Variants in KIAA1217 observed in about 807,000 individuals in gnomAD.
The protein encoded by KIAA1217 is sickle tail protein homolog.
Under a neutral mutation model 163.9 loss-of-function variants are expected in KIAA1217, and 88 were observed. The observed-to-expected ratio is 0.54, with a 90% confidence interval of 0.45 to 0.64. The LOEUF is 0.64. Ranked by LOEUF, KIAA1217 falls within the 30% of genes least tolerant of loss-of-function variation. The pLI, the probability that KIAA1217 is intolerant of heterozygous loss-of-function variation, is 0.00. For synonymous variants in KIAA1217, 903 were observed against 923.1 expected (o/e 0.98, Z 0.39); for missense variants, 2,372 against 2,475.0 (o/e 0.96, Z 0.88).
chr10:23,810,232 A>C (rs1836933474), intron 1 of KIAA1217, among the ~76,000 whole-genome samples: 2 of 150,778 alleles, frequency 1.3e-5, no homozygotes, highest in Admixed American at 1.3e-4. Context: ...CTGTCTATCT[A>C]CCTACCTACC....
intron 5 of KIAA1217, among the ~76,000 whole-genome samples, chr10:24,453,002 A>G (rs1027721633): frequency 6.6e-6 from 1 of 152,206 alleles, no homozygotes; most frequent in African/African-American, 2.4e-5. Context: ...TTGAAATAGA[A>G]AGAAGGTCTT....
At chr10:23,866,948 A>G (rs1189641698) in intron 1 of KIAA1217, among the ~76,000 whole-genome samples, 1 of 150,374 alleles carries the variant, frequency 6.7e-6, no homozygotes, top group African/African-American at 2.4e-5. Context: ...TGCTGCACCC[A>G]TTAACTCATC....
At chr10:24,041,987 T>C (rs1848654080) in intron 2 of KIAA1217, 1 of 152,108 alleles carries the variant, frequency 6.6e-6, no homozygotes, top group South Asian at 2.1e-4. Flanking sequence ...TATTGCAGCA[T>C]CTGCCGTTTG....
chr10:24,441,362 C>T (rs1165911315), intron 5 of KIAA1217, among the ~76,000 whole-genome samples: 2 of 152,124 alleles, frequency 1.3e-5, no homozygotes, highest in East Asian at 3.9e-4. Flanking sequence ...AAAAGTCACA[C>T]CAGAACTCCT....
chr10:24,026,011 T>G (rs1394120856), intron 2 of KIAA1217, among the ~76,000 whole-genome samples: 1 of 151,852 alleles, frequency 6.6e-6, no homozygotes, highest in Admixed American at 6.6e-5. Context: ...TTTTCTTGCT[T>G]TATCGTACCA....
chr10:24,169,456 C>A (rs866164347), intron 2 of KIAA1217, among the ~76,000 whole-genome samples: 1 of 148,330 alleles, frequency 6.7e-6, no homozygotes, highest in South Asian at 2.2e-4. Context: ...CTGCATTGAC[C>A]ACTCATTGTT....
intron 1 of KIAA1217, among the ~76,000 whole-genome samples, chr10:23,808,535 C>T (rs565203647): frequency 6.6e-6 from 1 of 151,936 alleles, no homozygotes; most frequent in East Asian, 1.9e-4. Flanking sequence ...AAAATTAGAA[C>T]TGCAGTCATT....
chr10:23,967,283 C>T (rs1241962852), intron 1 of KIAA1217, among the ~76,000 whole-genome samples: 1 of 151,702 alleles, frequency 6.6e-6, no homozygotes, highest in Non-Finnish European at 1.5e-5. Flanking sequence ...ATAAACAAAC[C>T]TAAGAAAATA....
intron 2 of KIAA1217, among the ~76,000 whole-genome samples, chr10:24,179,798 G>T (rs1349061345): frequency 6.6e-6 from 1 of 152,014 alleles, no homozygotes; most frequent in African/African-American, 2.4e-5. Context: ...ATGTTGGCCA[G>T]GCTGGTCTTG....
At chr10:24,392,225 G>A (rs2055079659) in intron 3 of KIAA1217, among the ~76,000 whole-genome samples, 1 of 144,546 alleles carries the variant, frequency 6.9e-6, no homozygotes, top group Non-Finnish European at 1.5e-5. Context: ...TTAAGATGAG[G>A]TTTATACCAG....
chr10:23,737,628 TTCTAAAACAG>T (rs1289510302), intron 1 of KIAA1217, among the ~76,000 whole-genome samples: 9 of 152,190 alleles, frequency 5.9e-5, no homozygotes, highest in African/African-American at 1.9e-4. Flanking sequence ...ATTATTTTCA[TTCTAAAACAG>T]AATAAAAAAT....
In KIAA1217 at chr10:24,501,383, G is replaced by A. The variant is rs370224528; in HGVS notation, c.1839G>A (p.Thr613=). 2.4e-5 allele frequency: 39 copies of A among 1,604,718 alleles called. No individual in the cohort carries two copies. The highest frequency in any genetic ancestry group is 4.0e-5 in the African/African-American group (3 of 74,720). ...ANRNHTDSAG[T]PHVSGGKMLS... is the part of the protein sequence containing the mutation. The stretch of plus-strand genomic sequence containing the variant: ...TCTGATGCACTTTTCTCATAGGAAC[G>A]CCCCATGTGTCTGGTGGGAAGATGC... The change falls in exon 9 of 21, where the codon ACG becomes ACA. Residue 613 remains threonine, a synonymous_variant. Transcript: ENST00000376454.
At chr10:23,944,129 T>C (rs1331066590) in intron 1 of KIAA1217, among the ~76,000 whole-genome samples, 1 of 152,096 alleles carries the variant, frequency 6.6e-6, no homozygotes, top group African/African-American at 2.4e-5. Context: ...TGGGCATTAA[T>C]AAATGAATAA....
intron 1 of KIAA1217, among the ~76,000 whole-genome samples, chr10:23,826,315 A>G (rs1837898494): frequency 6.6e-6 from 1 of 152,200 alleles, no homozygotes; most frequent in Non-Finnish European, 1.5e-5. Context: ...TATTATTTAC[A>G]TTAGATTTGA....
intron 2 of KIAA1217, among the ~76,000 whole-genome samples, chr10:24,346,186 G>A (rs184278975): frequency 1.3e-3 from 199 of 152,260 alleles, no homozygotes; most frequent in African/African-American, 4.5e-3. Context: ...TATTCTGGCC[G>A]GGCACCGTGG....
chr10:24,412,763 G>A (rs12781952), intron 3 of KIAA1217, among the ~76,000 whole-genome samples: 6,493 of 152,240 alleles, frequency 0.043, 204 homozygotes, highest in Non-Finnish European at 0.061. Context: ...GGATCCTGCC[G>A]CATGGTGCCA....
rs551189362 is a variant in KIAA1217, at chr10:23,790,048, T to C, written c.-321+94814T>C. Among the ~76,000 whole-genome samples the C allele has an allele frequency of 2.3e-4, 26 of 113,708 alleles. 1 individual carries two copies. The highest frequency in any genetic ancestry group is 1.4e-3 in the East Asian group (6 of 4,294). The allele number at this position is 113,708 out of a possible 152,430, so 74.6% of individuals were successfully genotyped here. On this transcript the variant is annotated intron_variant, in intron 1 of 18. Transcript: ENST00000376462. ...ATGCATATACACATATACATATGCATATACACATATACACATATGCATATA... is the reference window on the plus strand; with the variant it reads ...ATGCATATACACATATACATATGCACATACACATATACACATATGCATATA...
chr10:24,536,938 C>A (rs750084801), intron 17 of KIAA1217, 45 bp downstream of exon 17: 7 of 1,606,890 alleles, frequency 4.4e-6, no homozygotes, highest in Non-Finnish European at 6.0e-6. Flanking sequence ...GGAGTCCTTC[C>A]TTCCTTGCTC....
intron 1 of KIAA1217, among the ~76,000 whole-genome samples, chr10:23,759,975 A>T (rs1040776411): frequency 4.6e-5 from 7 of 152,132 alleles, no homozygotes; most frequent in Non-Finnish European, 1.0e-4. Flanking sequence ...CCATATCCCC[A>T]ATTAGTTCAT....
Sources: allele counts gnomAD v4.1 joint callset (sites outside exome capture counted in the v4.1 genomes callset), GRCh38; gene constraint gnomAD v4.1.1; transcripts MANE v1.5; gene names NCBI Gene and HGNC (gene_info 2026-07-23, HGNC 2026-07-21).